ERI3: variants seen among roughly 807,000 people sequenced by gnomAD.
The protein encoded by ERI3 is ERI1 exoribonuclease family member 3.
In ERI3, 18 loss-of-function variants were observed where a neutral mutation model predicts 44.4. That is an observed-to-expected ratio of 0.41 (90% CI 0.28 to 0.60). The LOEUF is 0.60. ERI3 is among the 20% of genes least tolerant of loss of function. The pLI is 0.36. For missense variants in ERI3, 294 were observed against 435.5 expected (o/e 0.68, Z 2.89); for synonymous variants, 183 against 164.8 (o/e 1.11, Z -0.84).
chr1:44,266,679 T>C (rs1236297481), intron 7 of ERI3, among the ~76,000 whole-genome samples: 1 of 152,230 alleles, frequency 6.6e-6, no homozygotes, highest in African/African-American at 2.4e-5. Flanking sequence ...TCAAAAGCCA[T>C]TTACTGAATG....
chr1:44,339,438 G>A (rs1646606903), intron 2 of ERI3, 116 bp from the exon 3 acceptor site: 1 of 1,152,256 alleles, frequency 8.7e-7, no homozygotes. Context: ...CTAGTCTTCA[G>A]GAATATCCAC....
intron 7 of ERI3, among the ~76,000 whole-genome samples, chr1:44,279,865 T>C (rs1645251637): frequency 6.6e-6 from 1 of 152,228 alleles, no homozygotes; most frequent in African/African-American, 2.4e-5. Flanking sequence ...GGGAACAATT[T>C]ATAGTAACAC....
intron 8 of ERI3, among the ~76,000 whole-genome samples, chr1:44,240,325 G>A (rs560700447): frequency 6.6e-6 from 1 of 152,336 alleles, no homozygotes; most frequent in African/African-American, 2.4e-5. Flanking sequence ...GGCTGGTTTA[G>A]CCTAGTAGGA....
intron 8 of ERI3, among the ~76,000 whole-genome samples, chr1:44,226,320 T>C (rs1644036773): frequency 6.6e-6 from 1 of 152,070 alleles, no homozygotes; most frequent in African/African-American, 2.4e-5. Context: ...GATGTTAATA[T>C]TCTGAGAATG....
intron 2 of ERI3, among the ~76,000 whole-genome samples, chr1:44,342,147 G>A (rs1396140276): frequency 1.3e-5 from 2 of 152,172 alleles, no homozygotes; most frequent in African/African-American, 4.8e-5. Flanking sequence ...GGGTGAGCCA[G>A]AGAGGTCTGG....
In ERI3 at chr1:44,343,930, G is replaced by A. The variant is rs141430870; in HGVS notation, c.212-4608C>T. On this transcript the variant is annotated intron_variant, in intron 2 of 8. Coordinates refer to ENST00000372257, the MANE Select transcript of ERI3 (RefSeq NM_024066.3). The stretch of plus-strand genomic sequence containing the variant: ...TATGTAAATTTGGGCTGTTTCAAAC[G>A]TTTTTTTAAAATTGTTTTTTAAAAT... Among the ~76,000 whole-genome samples the A allele has an allele frequency of 2.4e-3, 368 of 152,018 alleles. 3 individuals are homozygous for A. Among genetic ancestry groups the A allele is most frequent in the Non-Finnish European group, 3.2e-3 (215 of 67,968 alleles).
intron 3 of ERI3, among the ~76,000 whole-genome samples, chr1:44,327,998 T>A (rs183135696): frequency 6.6e-6 from 1 of 152,330 alleles, no homozygotes; most frequent in Non-Finnish European, 1.5e-5. Context: ...CCAGGGAAGC[T>A]GGCTGGGCTA....
chr1:44,259,920 T>TAGATAGATAGACAGACAGACAGAC (rs778936296), intron 7 of ERI3, among the ~76,000 whole-genome samples: 5 of 129,742 alleles, frequency 3.9e-5, no homozygotes, highest in African/African-American at 1.5e-4. Context: ...GATAGATAGA[T>TAGATAGATAGACAGACAGACAGAC]AGACAGACAG....
intron 8 of ERI3, among the ~76,000 whole-genome samples, chr1:44,222,676 G>A (rs1393156125): frequency 6.6e-6 from 1 of 152,128 alleles, no homozygotes; most frequent in East Asian, 1.9e-4. Context: ...CTGAGTGCCT[G>A]AGTTTTTCTG....
At chr1:44,317,645 T>C (rs926129781) in intron 4 of ERI3, among the ~76,000 whole-genome samples, 1 of 152,014 alleles carries the variant, frequency 6.6e-6, no homozygotes, top group African/African-American at 2.4e-5. Flanking sequence ...AAAAGACAGA[T>C]AAATAATTAT....
At chr1:44,275,474 T>C (rs1245454301) in intron 7 of ERI3, among the ~76,000 whole-genome samples, 4 of 152,284 alleles carry the variant, frequency 2.6e-5, no homozygotes, top group African/African-American at 7.2e-5. Flanking sequence ...ACTGCACTGA[T>C]TGGGACTCTG....
chr1:44,322,804 G>A (rs1024942636), intron 3 of ERI3: 1 of 1,550,174 alleles, frequency 6.5e-7, no homozygotes, highest in Admixed American at 2.0e-5. Flanking sequence ...TAGTGGGAGA[G>A]GTGCCCCAAT....
intron 6 of ERI3, among the ~76,000 whole-genome samples, chr1:44,307,442 C>T (rs1645862292): frequency 6.6e-6 from 1 of 152,158 alleles, no homozygotes; most frequent in African/African-American, 2.4e-5. Flanking sequence ...CAGAGACACA[C>T]ACACGGAATA....
chr1:44,295,961 C>G (rs983835999), intron 6 of ERI3, among the ~76,000 whole-genome samples: 1 of 152,200 alleles, frequency 6.6e-6, no homozygotes, highest in African/African-American at 2.4e-5. Context: ...ATGGGTAAAG[C>G]CCCTTGGCCC....
chr1:44,239,515 C>G (rs554914743), intron 8 of ERI3, among the ~76,000 whole-genome samples: 4 of 152,216 alleles, frequency 2.6e-5, no homozygotes, highest in Non-Finnish European at 4.4e-5. Context: ...AGCCCAGAGT[C>G]CAGAGCCCAA....
rs1324572053 is a variant in ERI3, at chr1:44,228,622, AG to A, written c.932-6983del. ...ACACTTACCGCCGCTCCTGGAGGCC[AG>A]GCATGGAAATGAGGCCATTACACAC... is the stretch of plus-strand genomic sequence containing the variant. On this transcript the variant is annotated intron_variant, in intron 8 of 8. Transcript: ENST00000372257. The surrounding 1 kb of genome is among the most constrained non-coding windows in gnomAD (Gnocchi z 4.3). 2.0e-5 allele frequency among the ~76,000 whole-genome samples: 3 copies of A among 152,336 alleles called. No homozygotes were observed. In the East Asian group the frequency reaches 5.8e-4, roughly 29 times the overall value.
At chr1:44,230,348 A>G (rs1402876573) in intron 8 of ERI3, 1 of 152,160 alleles carries the variant, frequency 6.6e-6, no homozygotes, top group Non-Finnish European at 1.5e-5. Flanking sequence ...CACAACTAGA[A>G]GTGCCAGGTT....
chr1:44,273,925 T>C (rs960692424), intron 7 of ERI3, among the ~76,000 whole-genome samples: 5 of 152,104 alleles, frequency 3.3e-5, no homozygotes, highest in Admixed American at 6.5e-5. Flanking sequence ...AGACAGGAGA[T>C]GTGGAGATAG....
At chr1:44,328,831 C>T (rs926960108) in intron 3 of ERI3, among the ~76,000 whole-genome samples, 1 of 152,162 alleles carries the variant, frequency 6.6e-6, no homozygotes, top group Non-Finnish European at 1.5e-5. Flanking sequence ...CCTTACTTGA[C>T]CCACTTTAAG....
Sources: allele counts gnomAD v4.1 joint callset (sites outside exome capture counted in the v4.1 genomes callset), GRCh38; gene constraint gnomAD v4.1.1; non-coding constraint Gnocchi (gnomAD v3.1); transcripts MANE v1.5; gene names NCBI Gene and HGNC (gene_info 2026-07-23, HGNC 2026-07-21).